The following NCOA5 variants were observed in gnomAD, a reference collection of about 807,000 sequenced individuals.
The protein encoded by NCOA5 is NCoA-5.
Under a neutral mutation model 59.0 loss-of-function variants are expected in NCOA5, and 12 were observed. The ratio of observed to expected loss-of-function variants is 0.20; its 90% confidence interval spans 0.13 to 0.33. NCOA5 has a LOEUF of 0.33. Among genes scored for constraint, NCOA5 ranks in the 10% least tolerant of loss-of-function variants. The pLI is 1.00. For synonymous variants in NCOA5, 270 were observed against 275.5 expected, an observed-to-expected ratio of 0.98 and a Z score of 0.20; for missense variants, 655 against 766.6, an observed-to-expected ratio of 0.85 and a Z score of 1.72.
In NCOA5 at chr20:46,061,683, A is replaced by C. The variant is rs545146481; in HGVS notation, c.*617T>G. On this transcript the variant is annotated 3_prime_UTR_variant, in exon 8 of 8. Transcript: ENST00000290231. ...AAAAAAGAAAAGAGAAAAAAACAAA[A>C]AACAACCTTGGCTCAGAGAGAAAAA... 7 of 152,712 alleles carry C rather than the reference A, an allele frequency of 4.6e-5. No homozygotes were observed. Among genetic ancestry groups the C allele is most frequent in the Admixed American group, 4.6e-4 (7 of 15,298 alleles). The allele number at this position is 152,712 out of a possible 1,614,324, so 9.5% of individuals were successfully genotyped here.
intron 1 of NCOA5, among the ~76,000 whole-genome samples, chr20:46,089,575 G>A (rs750018877): frequency 6.6e-6 from 1 of 152,146 alleles, no homozygotes; most frequent in African/African-American, 2.4e-5. Flanking sequence ...GCCGACCTGC[G>A]TCCACCACAG....
chr20:46,065,541 T>C (rs1363614204), intron 5 of NCOA5, among the ~76,000 whole-genome samples: 1 of 152,156 alleles, frequency 6.6e-6, no homozygotes, highest in East Asian at 1.9e-4. Flanking sequence ...TCTTTTTGGG[T>C]AGGCTGCACA....
rs1442969825 is a variant in NCOA5, at chr20:46,061,023, AT to A, written c.*1276del. 2 of 152,044 alleles carry A rather than the reference AT, an allele frequency of 1.3e-5. No homozygotes were observed. The highest frequency in any genetic ancestry group is 2.9e-5 in the Non-Finnish European group (2 of 68,012). 9.4% of individuals were successfully genotyped at this position (152,044 alleles called of 1,614,324 possible). Reference sequence around the variant, plus strand: ...ATTTTAATTAAAAAGTAATCATTTCATTTTATTAACAACACAAGAGTTCCAA... The same window carrying A: ...ATTTTAATTAAAAAGTAATCATTTCATTTATTAACAACACAAGAGTTCCAA... On this transcript the variant is annotated 3_prime_UTR_variant, in exon 8 of 8. Transcript: ENST00000290231.
chr20:46,077,694 G>T (rs1016849858), intron 2 of NCOA5, among the ~76,000 whole-genome samples: 31 of 152,120 alleles, frequency 2.0e-4, no homozygotes, highest in African/African-American at 7.5e-4. Flanking sequence ...ACACGTTAGC[G>T]CTCTTTGGAA....
intron 2 of NCOA5, among the ~76,000 whole-genome samples, chr20:46,077,388 C>T (rs2084948820): frequency 6.6e-6 from 1 of 152,174 alleles, no homozygotes. Flanking sequence ...TTCCCCAACA[C>T]TGCAATGTTT....
intron 1 of NCOA5, among the ~76,000 whole-genome samples, chr20:46,085,935 A>T (rs2085040839): frequency 6.6e-6 from 1 of 152,222 alleles, no homozygotes; most frequent in African/African-American, 2.4e-5. Flanking sequence ...AACATTCTTC[A>T]AAGACCATTG....
At chr20:46,085,557 T>C (rs1003425915) in intron 1 of NCOA5, among the ~76,000 whole-genome samples, 14 of 151,826 alleles carry the variant, frequency 9.2e-5, no homozygotes, top group Admixed American at 8.5e-4. Flanking sequence ...TTAAACTGGG[T>C]CCTGAGGAAT....
At position 46,088,314 on chromosome 20, in the gene NCOA5, G is replaced by A. The variant is rs1409548150; in HGVS notation, c.-30+1503C>T. Among the ~76,000 whole-genome samples the A allele has an allele frequency of 2.0e-5, 3 of 152,202 alleles. No individual in the cohort carries two copies. In the East Asian group the frequency reaches 5.8e-4, roughly 29 times the overall value. ...TTCTAAGTTTTAGGTTAAGAGAAGT[G>A]TCAGAGGTTTCAAAGGCAATCTGAA... On this transcript the variant is annotated intron_variant, in intron 1 of 7. Transcript: ENST00000290231.
At chr20:46,078,048 C>T (rs964535761) in intron 2 of NCOA5, among the ~76,000 whole-genome samples, 3 of 152,326 alleles carry the variant, frequency 2.0e-5, no homozygotes, top group Non-Finnish European at 2.9e-5. Flanking sequence ...TGCCCACTTC[C>T]GCAGTGAAAC....
chr20:46,063,613 A>C lies in NCOA5; in HGVS notation c.897T>G (p.Asn299Lys). ...LVARNYERYK[N>K]ECREKEREEI... Reference sequence around the variant, plus strand: ...CCTCACGTTCCTTCTCCCGGCACTCATTCTTGTAACGCTCATAATTTCTGG... The same window carrying C: ...CCTCACGTTCCTTCTCCCGGCACTCCTTCTTGTAACGCTCATAATTTCTGG... The change falls in exon 7 of 8, where the codon AAT becomes AAG. Residue 299 changes from asparagine (N) to lysine (K), a missense_variant. This residue lies in a region of NCOA5 where 80 missense variants were observed against 153.3 expected (regional missense o/e 0.52). Coordinates refer to ENST00000290231, the MANE Select transcript of NCOA5 (RefSeq NM_020967.3). The C allele has an allele frequency of 6.2e-7, 1 of 1,614,030 alleles. No homozygotes were observed. Among genetic ancestry groups the C allele is most frequent in the African/African-American group, 1.3e-5 (1 of 74,976 alleles).
intron 1 of NCOA5, among the ~76,000 whole-genome samples, chr20:46,087,229 C>A (rs1197327507): frequency 6.6e-6 from 1 of 152,068 alleles, no homozygotes; most frequent in Non-Finnish European, 1.5e-5. Context: ...CGTGGGGAGT[C>A]AAAAACAAGA....
At chr20:46,079,279 A>G (rs1396322889) in intron 2 of NCOA5, 108 bp downstream of exon 2, 2 of 1,018,608 alleles carry the variant, frequency 2.0e-6, no homozygotes, top group Non-Finnish European at 3.1e-6. Flanking sequence ...TGTTTGCTTG[A>G]GCGTTTCACT....
In NCOA5 at chr20:46,062,138, C is replaced by T; in HGVS notation, c.*162G>A. Reference sequence around the variant, plus strand: ...CAGTATAAACTTTGTAAGGAATAAGCAACACAGCCTTGGGCAGAAGAGAGA... The same window carrying T: ...CAGTATAAACTTTGTAAGGAATAAGTAACACAGCCTTGGGCAGAAGAGAGA... On this transcript the variant is annotated 3_prime_UTR_variant, in exon 8 of 8. Transcript: ENST00000290231. 1.7e-6 allele frequency: 1 copy of T among 595,006 alleles called. No homozygotes were observed. The highest frequency in any genetic ancestry group is 2.3e-5 in the South Asian group (1 of 42,762). The allele number at this position is 595,006 out of a possible 1,614,324, so 36.9% of individuals were successfully genotyped here. A position where few individuals can be genotyped will look rare whatever the true frequency, so the allele number is the denominator to read the frequency against.
intron 2 of NCOA5, among the ~76,000 whole-genome samples, chr20:46,079,033 C>A (rs2084966636): frequency 6.6e-6 from 1 of 152,188 alleles, no homozygotes; most frequent in South Asian, 2.1e-4. Context: ...CTGCTGCCCA[C>A]TGCAGTGCAG....
rs1454197097 is a variant in NCOA5, at chr20:46,062,770, G to T, written c.1270C>A (p.Pro424Thr). ...LPSATPTPSAPPTSQQELQAK... is the reference protein window; with the variant it reads ...LPSATPTPSATPTSQQELQAK... Reference sequence around the variant, plus strand: ...TGAAGCTCTTGCTGGGAGGTGGGGGGTGCAGATGGAGTGGGTGTAGCAGAG... The same window carrying T: ...TGAAGCTCTTGCTGGGAGGTGGGGGTTGCAGATGGAGTGGGTGTAGCAGAG... The change falls in exon 8 of 8, where the codon CCC (proline) becomes ACC (threonine). Residue 424 changes from proline (P) to threonine (T), a missense_variant. This residue lies in a region of NCOA5 where 325 missense variants were observed against 353.2 expected (regional missense o/e 0.92). Transcript: ENST00000290231. 1 of 1,603,506 alleles carries T rather than the reference G, an allele frequency of 6.2e-7. No homozygotes were observed. The highest frequency in any genetic ancestry group is 8.5e-7 in the Non-Finnish European group (1 of 1,174,118).
intron 1 of NCOA5, among the ~76,000 whole-genome samples, chr20:46,089,478 G>A (rs959871149): frequency 6.6e-6 from 1 of 152,200 alleles, no homozygotes; most frequent in Admixed American, 6.5e-5. Flanking sequence ...GACAGGGGGT[G>A]CGGGATGTGC....
At chr20:46,072,410 C>G (rs957318403) in intron 2 of NCOA5, among the ~76,000 whole-genome samples, 10 of 152,272 alleles carry the variant, frequency 6.6e-5, no homozygotes, top group Non-Finnish European at 8.8e-5. Context: ...TCACGGAACA[C>G]TACAGCCTTG....
At chr20:46,067,222 C>T (rs770609237) in intron 4 of NCOA5, 41 bp from the exon 5 acceptor site, 2 of 1,589,074 alleles carry the variant, frequency 1.3e-6, no homozygotes, top group Admixed American at 3.7e-5. Context: ...AAGGACTGGA[C>T]CCTCATTTTA....
At chr20:46,063,002 G>T in intron 7 of NCOA5, 113 bp from the exon 8 acceptor site, 1 of 883,632 alleles carries the variant, frequency 1.1e-6, no homozygotes, top group Non-Finnish European at 1.7e-6. Flanking sequence ...ACAGTACACA[G>T]ACGATAACAT....
Sources: gnomAD v4.1 joint callset for allele counts (sites outside exome capture counted in the v4.1 genomes callset) on GRCh38, gnomAD v4.1.1 for gene constraint, gnomAD v4.1.1 regional missense constraint, MANE v1.5 for transcripts, NCBI Gene and HGNC (gene_info 2026-07-23, HGNC 2026-07-21) for gene names.